The following TLN2 variants were observed in gnomAD, a reference collection of about 807,000 sequenced individuals.
TLN2 encodes talin 2, also known as talin-2.
In TLN2, 118 loss-of-function variants were observed where a neutral mutation model predicts 294.7. That is an observed-to-expected ratio of 0.40 (90% confidence interval 0.34 to 0.47). The LOEUF is 0.47. Ranked by LOEUF, TLN2 falls within the 20% of genes least tolerant of loss-of-function variation. The pLI, the probability that TLN2 is intolerant of heterozygous loss-of-function variation, is 0.84. For synonymous variants in TLN2, 1,431 were observed against 1,304.5 expected (o/e 1.10, Z -2.09); for missense variants, 3,083 against 3,282.2 (o/e 0.94, Z 1.48).
chr15:62,819,161 G>GA (rs1217458636), intron 52 of TLN2, among the ~76,000 whole-genome samples: 1 of 152,254 alleles, frequency 6.6e-6, no homozygotes, highest in East Asian at 1.9e-4. Flanking sequence ...TACCCAGCCA[G>GA]AATGTTCTTA....
intron 1 of TLN2, among the ~76,000 whole-genome samples, chr15:62,428,424 C>T (rs989419235): frequency 3.9e-5 from 6 of 152,096 alleles, no homozygotes; most frequent in Non-Finnish European, 7.4e-5. Context: ...TTAGTGTAGA[C>T]GTAATGTTTG....
At chr15:62,651,791 A>T (rs1798396341) in intron 5 of TLN2, among the ~76,000 whole-genome samples, 1 of 152,156 alleles carries the variant, frequency 6.6e-6, no homozygotes, top group Non-Finnish European at 1.5e-5. Context: ...ACTGAATGGA[A>T]TTTTTTTGTA....
At position 62,593,319 on chromosome 15, in the gene TLN2, T is replaced by A. The variant is rs1249801905; in HGVS notation, c.-162+3557T>A. Among the ~76,000 whole-genome samples, 3 of 152,218 alleles carry A rather than the reference T, an allele frequency of 2.0e-5. No individual in the cohort carries two copies. The East Asian group carries it at 5.8e-4, about 29-fold the overall frequency. On this transcript the variant is annotated intron_variant, in intron 2 of 58. Coordinates refer to ENST00000636159, the MANE Select transcript of TLN2 (RefSeq NM_015059.3). ...TCCCTGAGTGACTGAGAGTTCTTCT[T>A]AGCACTGTCAATCAAGATTCCTGGA... is the stretch of plus-strand genomic sequence containing the variant.
intron 54 of TLN2, among the ~76,000 whole-genome samples, chr15:62,826,358 A>G (rs1376552073): frequency 6.6e-6 from 1 of 152,142 alleles, no homozygotes; most frequent in Non-Finnish European, 1.5e-5. Flanking sequence ...CACTGCATGA[A>G]CTCGCGCGTA....
At chr15:62,774,121 A>C (rs2063534578) in intron 42 of TLN2, among the ~76,000 whole-genome samples, 1 of 152,134 alleles carries the variant, frequency 6.6e-6, no homozygotes. Context: ...GACAGTTCTA[A>C]TTATTCCTTG....
Position 62,708,641 on chromosome 15 carries a change from G to A in TLN2, c.2312G>A (p.Ser771Asn), listed in dbSNP as rs775345180. Residue 771 changes from serine to asparagine, a missense_variant, in exon 21 of 59, where the codon AGC (serine) becomes AAC (asparagine). By Grantham distance (46) the Ser-to-Asn change is conservative. Transcript: ENST00000636159. Reference sequence around the variant, plus strand: ...GATAGTGAGCTCCTGAAGCAGGTCAGCGCAGCGGCCAGCGTGGTCAGCCAG... The same window carrying A: ...GATAGTGAGCTCCTGAAGCAGGTCAACGCAGCGGCCAGCGTGGTCAGCCAG... ...TTDSELLKQVSAAASVVSQAL... is the reference protein window; with the variant it reads ...TTDSELLKQVNAAASVVSQAL... The A allele has an allele frequency of 4.8e-5, 77 of 1,614,098 alleles. No homozygotes were observed. The highest frequency in any genetic ancestry group is 5.8e-5 in the Non-Finnish European group (69 of 1,180,048).
At position 62,727,195 on chromosome 15, in the gene TLN2, AC is replaced by A; in HGVS notation, c.3358+9del. On this transcript the variant is annotated splice_region_variant and intron_variant, in intron 28 of 58. Transcript: ENST00000636159. ...AGGCAACGAACACTACACAGGTGAG[AC>A]CCACGCCCTTCATGCCACTGTGGCC... is the stretch of plus-strand genomic sequence containing the variant. 14 of 1,610,724 alleles carry A rather than the reference AC, an allele frequency of 8.7e-6. No homozygotes were observed. Among genetic ancestry groups the A allele is most frequent in the Non-Finnish European group, 1.2e-5 (14 of 1,178,150 alleles).
At chr15:62,434,257 C>A (rs1323274599) in intron 1 of TLN2, among the ~76,000 whole-genome samples, 1 of 152,060 alleles carries the variant, frequency 6.6e-6, no homozygotes, top group African/African-American at 2.4e-5. Flanking sequence ...GACTCCCTTC[C>A]CCTCTGAATA....
chr15:62,691,612 T>C (rs1433055859), intron 12 of TLN2, among the ~76,000 whole-genome samples: 1 of 152,200 alleles, frequency 6.6e-6, no homozygotes, highest in Non-Finnish European at 1.5e-5. Context: ...CTGTCATTCA[T>C]ATTGTGGGTG....
chr15:62,653,439 A>T, intron 7 of TLN2, 125 bp downstream of exon 7: 2 of 1,239,630 alleles, frequency 1.6e-6, no homozygotes, highest in Non-Finnish European at 2.1e-6. Flanking sequence ...TATTTTAAAA[A>T]AGTAGGCTGG....
intron 28 of TLN2, among the ~76,000 whole-genome samples, chr15:62,732,996 G>A (rs750855911): frequency 2.0e-5 from 3 of 152,174 alleles, no homozygotes; most frequent in Non-Finnish European, 4.4e-5. Context: ...AGAAGGCTGG[G>A]CTGGATGATA....
chr15:62,573,513 C>T (rs1422463767), intron 1 of TLN2, among the ~76,000 whole-genome samples: 2 of 152,188 alleles, frequency 1.3e-5, no homozygotes, highest in East Asian at 3.9e-4. Flanking sequence ...TCCTCTTCAG[C>T]ACCTGCTTTT....
At chr15:62,506,438 T>G (rs1229550627) in intron 1 of TLN2, among the ~76,000 whole-genome samples, 1 of 152,240 alleles carries the variant, frequency 6.6e-6, no homozygotes, top group Non-Finnish European at 1.5e-5. Context: ...GGTAGTCACA[T>G]GGGTGGTATT....
chr15:62,629,242 T>G (rs1440273907), intron 3 of TLN2, among the ~76,000 whole-genome samples: 1 of 152,186 alleles, frequency 6.6e-6, no homozygotes, highest in African/African-American at 2.4e-5. Flanking sequence ...TCATTTAGGC[T>G]CTGCCACTTC....
intron 1 of TLN2, among the ~76,000 whole-genome samples, chr15:62,447,980 GC>G (rs2035915736): frequency 6.6e-6 from 1 of 152,218 alleles, no homozygotes; most frequent in African/African-American, 2.4e-5. Flanking sequence ...CTGTGAGTGG[GC>G]CAGGACTGAG....
chr15:62,802,931 C>T (rs557448202), intron 50 of TLN2, among the ~76,000 whole-genome samples: 9 of 152,124 alleles, frequency 5.9e-5, no homozygotes, highest in African/African-American at 1.9e-4. Context: ...TATATTTTTT[C>T]CTATAGAATT....
At chr15:62,780,702 T>C (rs1003618587) in intron 43 of TLN2, among the ~76,000 whole-genome samples, 4 of 152,222 alleles carry the variant, frequency 2.6e-5, no homozygotes, top group African/African-American at 9.6e-5. Flanking sequence ...ACTCGACCAT[T>C]CCTCAGGAAG....
chr15:62,512,187 C>T (rs2039970004), intron 1 of TLN2, among the ~76,000 whole-genome samples: 1 of 152,076 alleles, frequency 6.6e-6, no homozygotes, highest in African/African-American at 2.4e-5. Context: ...CTCTAGAGCC[C>T]CTCAGCATCT....
At chr15:62,724,160 A>T (rs1364720800) in intron 26 of TLN2, among the ~76,000 whole-genome samples, 1 of 152,126 alleles carries the variant, frequency 6.6e-6, no homozygotes, top group Non-Finnish European at 1.5e-5. Context: ...AAAAAAATAG[A>T]AAAAAGAGTG....
Sources: gnomAD v4.1 joint callset for allele counts (sites outside exome capture counted in the v4.1 genomes callset) on GRCh38, gnomAD v4.1.1 for gene constraint, MANE v1.5 for transcripts, NCBI Gene and HGNC (gene_info 2026-07-23, HGNC 2026-07-21) for gene names.